Variants in MTOR observed in about 807,000 individuals in gnomAD.
MTOR encodes mechanistic target of rapamycin kinase.
MTOR carries 70 observed loss-of-function variants against 319.8 expected under a neutral mutation model. That is an observed-to-expected ratio of 0.22 (90% CI 0.18 to 0.27). MTOR has a LOEUF of 0.27. Among genes scored for constraint, MTOR ranks in the 10% least tolerant of loss-of-function variants. MTOR has a pLI of 1.00. For synonymous variants in MTOR, 1,183 were observed against 1,211.4 expected (o/e 0.98, Z 0.49); for missense variants, 1,890 against 3,274.4 (o/e 0.58, Z 10.32).
chr1:11,168,977 A>C (rs1644729276), intron 28 of MTOR, among the ~76,000 whole-genome samples: 1 of 152,220 alleles, frequency 6.6e-6, no homozygotes, highest in South Asian at 2.1e-4. Flanking sequence ...TGACACATCA[A>C]CCTGGGAGTC....
Position 11,250,181 on chromosome 1 carries a change from C to A in MTOR, c.841-2087G>T, listed in dbSNP as rs1440864311. On this transcript the variant is annotated intron_variant, in intron 6 of 57. Coordinates refer to ENST00000361445, the MANE Select transcript of MTOR (RefSeq NM_004958.4). Reference sequence around the variant, plus strand: ...CGGCTGGCCGGGCGGGGGGCTGACCCCCCGACCTCCCTCCCGGACGGGGCG... The same window carrying A: ...CGGCTGGCCGGGCGGGGGGCTGACCACCCGACCTCCCTCCCGGACGGGGCG... 1.5e-5 allele frequency among the ~76,000 whole-genome samples: 2 copies of A among 134,440 alleles called. 1 individual carries two copies. The highest frequency in any genetic ancestry group is 3.2e-5 in the Non-Finnish European group (2 of 62,046). 88.2% of individuals were successfully genotyped at this position (134,440 alleles called of 152,430 possible). A position where few individuals can be genotyped will look rare whatever the true frequency, so the allele number is the denominator to read the frequency against.
At chr1:11,142,321 T>C (rs942857030) in intron 34 of MTOR, among the ~76,000 whole-genome samples, 1 of 151,950 alleles carries the variant, frequency 6.6e-6, no homozygotes, top group Non-Finnish European at 1.5e-5. Context: ...TGGAGTATCA[T>C]TCTGTCCCTC....
chr1:11,146,575 T>C, intron 32 of MTOR, 101 bp downstream of exon 32: 1 of 852,110 alleles, frequency 1.2e-6, no homozygotes, highest in Non-Finnish European at 2.0e-6. Context: ...CGAGTAAACA[T>C]CAGACCTGAA....
Position 11,148,879 on chromosome 1 carries a change from C to G in MTOR, c.4570+1247G>C, listed in dbSNP as rs1194153452. The stretch of plus-strand genomic sequence containing the variant: ...TGCCACTGCACTCCAGCCTGGGTGA[C>G]AGAGCGAGACTCCATGTCAAAAAAA... On this transcript the variant is annotated intron_variant, in intron 31 of 57. Coordinates refer to ENST00000361445, the MANE Select transcript of MTOR (RefSeq NM_004958.4). Among the ~76,000 whole-genome samples the G allele has an allele frequency of 2.0e-5, 3 of 151,132 alleles. No homozygotes were observed. In the East Asian group the frequency reaches 5.9e-4, roughly 30 times the overall value.
intron 39 of MTOR, among the ~76,000 whole-genome samples, 192 bp downstream of exon 39, chr1:11,130,337 G>C (rs563281761): frequency 1.3e-5 from 2 of 152,348 alleles, no homozygotes; most frequent in Non-Finnish European, 2.9e-5. Flanking sequence ...GGCTGCGTCA[G>C]CTCCCCAAAC....
At chr1:11,167,947 G>A (rs1435420094) in intron 28 of MTOR, among the ~76,000 whole-genome samples, 1 of 152,084 alleles carries the variant, frequency 6.6e-6, no homozygotes, top group African/African-American at 2.4e-5. Context: ...GCAGGCACCT[G>A]TAGTCCCAGC....
Position 11,247,817 on chromosome 1 carries a change from A to G in MTOR, c.1116+2T>C, listed in dbSNP as rs1433559754. 4 of 1,612,910 alleles carry G rather than the reference A, an allele frequency of 2.5e-6. No individual in the cohort carries two copies. Among genetic ancestry groups the G allele is most frequent in the Admixed American group, 3.3e-5 (2 of 59,982 alleles). On this transcript the variant is annotated splice_donor_variant, in intron 7 of 57. Coordinates refer to ENST00000361445, the MANE Select transcript of MTOR (RefSeq NM_004958.4). LOFTEE classifies it high-confidence loss of function. ...AGAGGGAAAGGGCCTCTCACCACTT[A>G]CCTGATCAAATTTCTCCTCCATCAA...
chr1:11,165,467 C>A (rs1644613409), intron 29 of MTOR, among the ~76,000 whole-genome samples: 1 of 151,848 alleles, frequency 6.6e-6, no homozygotes. Context: ...AACAGAGAGC[C>A]AAATCATGAG....
In MTOR at chr1:11,129,271, C is replaced by G. The variant is rs925577281; in HGVS notation, c.5715-320G>C. On this transcript the variant is annotated intron_variant, in intron 40 of 57. Coordinates refer to ENST00000361445, the MANE Select transcript of MTOR (RefSeq NM_004958.4). The surrounding 1 kb of genome is among the most constrained non-coding windows in gnomAD (Gnocchi z 4.7). The stretch of plus-strand genomic sequence containing the variant: ...GTCTGCACATGTAAGAGTCGCTGTA[C>G]GGCAGAGGCAACAGGGACACCTGGC... Among the ~76,000 whole-genome samples, 1 of 152,192 alleles carries G rather than the reference C, an allele frequency of 6.6e-6. No homozygotes were observed. Among genetic ancestry groups the G allele is most frequent in the African/African-American group, 2.4e-5 (1 of 41,456 alleles).
chr1:11,214,081 G>A (rs1388449681), intron 20 of MTOR, among the ~76,000 whole-genome samples: 1 of 152,230 alleles, frequency 6.6e-6, no homozygotes, highest in Non-Finnish European at 1.5e-5. Context: ...ATTCTAGAAT[G>A]AACAGATGAC....
chr1:11,248,170 C>T (rs1268154950), intron 6 of MTOR, 76 bp from the exon 7 acceptor site: 34 of 1,438,718 alleles, frequency 2.4e-5, no homozygotes, highest in Non-Finnish European at 3.2e-5. Context: ...ATTCTACAGA[C>T]AATTACATTT....
intron 19 of MTOR, among the ~76,000 whole-genome samples, chr1:11,227,009 G>A (rs964246917): frequency 5.6e-5 from 7 of 124,924 alleles, no homozygotes; most frequent in African/African-American, 2.2e-4. Flanking sequence ...GAGTTAATAA[G>A]AATTCCGGCC....
intron 4 of MTOR, among the ~76,000 whole-genome samples, chr1:11,256,485 T>C (rs909003097): frequency 6.6e-6 from 1 of 152,262 alleles, no homozygotes; most frequent in Non-Finnish European, 1.5e-5. Flanking sequence ...AGCCTAGAAC[T>C]CTACCTGGAA....
At chr1:11,165,945 C>T (rs1644630437) in intron 29 of MTOR, among the ~76,000 whole-genome samples, 1 of 152,158 alleles carries the variant, frequency 6.6e-6, no homozygotes, top group Admixed American at 6.5e-5. Flanking sequence ...TACCACACAT[C>T]TACAATCATC....
Position 11,212,066 on chromosome 1 carries a change from T to C in MTOR, c.3561+246A>G, listed in dbSNP as rs1420840722. Among the ~76,000 whole-genome samples, 1 of 152,210 alleles carries C rather than the reference T, an allele frequency of 6.6e-6. No individual in the cohort carries two copies. Among genetic ancestry groups the C allele is most frequent in the Non-Finnish European group, 1.5e-5 (1 of 68,038 alleles). The stretch of plus-strand genomic sequence containing the variant: ...GAAACAAACTGTTTATTTGCTTTGC[T>C]TCATCAGGATGGAAGCTCTATGAGA... On this transcript the variant is annotated intron_variant, in intron 23 of 57. Coordinates refer to ENST00000361445, the MANE Select transcript of MTOR (RefSeq NM_004958.4). This position sits in a 1 kb window ranked among gnomAD's most constrained non-coding sequence, Gnocchi z 4.1.
chr1:11,156,021 C>T (rs553422700), intron 30 of MTOR, among the ~76,000 whole-genome samples: 6 of 152,044 alleles, frequency 3.9e-5, no homozygotes, highest in African/African-American at 9.7e-5. Context: ...GATAGAGTCT[C>T]GCTCTGTCAC....
chr1:11,158,230 A>G (rs1644375428), intron 29 of MTOR, among the ~76,000 whole-genome samples: 1 of 152,162 alleles, frequency 6.6e-6, no homozygotes, highest in Non-Finnish European at 1.5e-5. Context: ...TTCTTTAACA[A>G]CAATATGATT....
rs752361263 is a variant in MTOR at position 11,204,541 on chromosome 1, C to A, written c.3944+20G>T. The A allele has an allele frequency of 1.9e-6, 3 of 1,602,966 alleles. No homozygotes were observed. The Admixed American group carries it at 5.1e-5, about 27-fold the overall frequency. On this transcript the variant is annotated intron_variant, in intron 26 of 57. Transcript: ENST00000361445. ...GTTTTCTATGTGCTGATCTTCTCCA[C>A]CCGCCCTGACACACTATACCTGGCC...
intron 28 of MTOR, among the ~76,000 whole-genome samples, chr1:11,171,894 G>C (rs1196974468): frequency 6.6e-6 from 1 of 151,938 alleles, no homozygotes; most frequent in Non-Finnish European, 1.5e-5. Context: ...AATTAGCCAG[G>C]TGTTGTGGCA....
Sources: gnomAD v4.1 joint callset for allele counts (sites outside exome capture counted in the v4.1 genomes callset) on GRCh38, gnomAD v4.1.1 for gene constraint, Gnocchi (gnomAD v3.1) non-coding constraint, MANE v1.5 for transcripts, NCBI Gene and HGNC (gene_info 2026-07-23, HGNC 2026-07-21) for gene names.